Variants in SLC39A11 observed in about 807,000 individuals in gnomAD.
The protein encoded by SLC39A11 is zinc transporter ZIP11.
Under a neutral mutation model 36.1 loss-of-function variants are expected in SLC39A11, and 33 were observed. The ratio of observed to expected loss-of-function variants is 0.91; its 90% CI spans 0.69 to 1.22. The LOEUF (loss-of-function observed/expected upper bound fraction) is 1.22, where lower values mean the gene tolerates loss of function less well. Ranked by LOEUF, SLC39A11 falls within the 50% of genes most tolerant of loss-of-function variation. SLC39A11 has a pLI of 0.00. For missense variants in SLC39A11, 432 were observed against 430.3 expected, an observed-to-expected ratio of 1.00 and a Z score of -0.03; for synonymous variants, 166 against 170.3, an observed-to-expected ratio of 0.97 and a Z score of 0.20.
intron 6 of SLC39A11, among the ~76,000 whole-genome samples, chr17:72,765,648 G>A (rs1049985948): frequency 1.3e-5 from 2 of 152,128 alleles, no homozygotes; most frequent in Non-Finnish European, 2.9e-5. Context: ...GGACAGTGCT[G>A]GGCACTTTCC....
intron 9 of SLC39A11, 133 bp from the exon 10 acceptor site, chr17:72,647,795 G>A (rs1598205221): frequency 4.4e-6 from 3 of 676,206 alleles, no homozygotes; most frequent in African/African-American, 3.6e-5. Flanking sequence ...CATTTACTGG[G>A]GCTTACTATG....
intron 6 of SLC39A11, among the ~76,000 whole-genome samples, chr17:72,740,469 G>T (rs1266596476): frequency 6.6e-6 from 1 of 152,024 alleles, no homozygotes; most frequent in Non-Finnish European, 1.5e-5. Flanking sequence ...TTATAAAGAG[G>T]AGTTGTGTGT....
In SLC39A11 at chr17:72,762,580, G is replaced by C. The variant is rs549165178; in HGVS notation, c.602-25861C>G. 1.1e-3 allele frequency among the ~76,000 whole-genome samples: 169 copies of C among 152,294 alleles called. 2 individuals carry two copies. The highest frequency in any genetic ancestry group is 6.8e-3 in the Middle Eastern group (2 of 294). The stretch of plus-strand genomic sequence containing the variant: ...CCCTTGGGGCAGCTCTGCCTATGGA[G>C]AAGCCATTCTTTTATTCCTTTACTT... On this transcript the variant is annotated intron_variant, in intron 6 of 9. Transcript: ENST00000255559.
chr17:72,730,265 C>T (rs1041142726), intron 7 of SLC39A11, among the ~76,000 whole-genome samples: 7 of 152,326 alleles, frequency 4.6e-5, no homozygotes, highest in African/African-American at 1.7e-4. Context: ...TGCTAGGCGC[C>T]TACAAACGCA....
intron 5 of SLC39A11, among the ~76,000 whole-genome samples, chr17:72,916,277 GAA>G (rs1201233617): frequency 3.9e-5 from 6 of 151,982 alleles, no homozygotes; most frequent in Non-Finnish European, 7.4e-5. Flanking sequence ...TGTCAAGAGG[GAA>G]AAAAGAGACC....
At chr17:72,670,882 G>T (rs1199150122) in intron 7 of SLC39A11, among the ~76,000 whole-genome samples, 1 of 152,166 alleles carries the variant, frequency 6.6e-6, no homozygotes, top group Admixed American at 6.5e-5. Flanking sequence ...TTTTGCTGAG[G>T]AATGGTGTTT....
chr17:73,035,936 A>G (rs2058898711), intron 3 of SLC39A11, among the ~76,000 whole-genome samples: 2 of 151,264 alleles, frequency 1.3e-5, no homozygotes, highest in African/African-American at 4.9e-5. Flanking sequence ...CAGAGGCTAT[A>G]GTCAGAAAGA....
chr17:73,060,833 A>G (rs1199651785), intron 3 of SLC39A11, among the ~76,000 whole-genome samples: 1 of 152,318 alleles, frequency 6.6e-6, no homozygotes, highest in Non-Finnish European at 1.5e-5. Flanking sequence ...AAATGGTTGT[A>G]TTCCACAGAA....
In SLC39A11 at chr17:72,729,440, TATATATA is replaced by T. The variant is rs1567995027; in HGVS notation, c.671+7203_671+7209del. ...ATATATATATATATATATATATATA[TATATATA>T]TATATATATATTTTTTTTTTTTTTT... On this transcript the variant is annotated intron_variant, in intron 7 of 9. Transcript: ENST00000255559. Among the ~76,000 whole-genome samples the T allele has an allele frequency of 9.4e-3, 50 of 5,310 alleles. 3 individuals are homozygous for T. The highest frequency in any genetic ancestry group is 0.039 in the African/African-American group (47 of 1,220). The allele number at this position is 5,310 out of a possible 152,430, so 3.5% of individuals were successfully genotyped here. A position where few individuals can be genotyped will look rare whatever the true frequency, so the allele number is the denominator to read the frequency against.
intron 5 of SLC39A11, among the ~76,000 whole-genome samples, chr17:72,856,210 T>G (rs190337412): frequency 6.6e-6 from 1 of 152,228 alleles, no homozygotes; most frequent in Non-Finnish European, 1.5e-5. Flanking sequence ...GTTCTCATTA[T>G]GCCGCTTCTT....
intron 4 of SLC39A11, among the ~76,000 whole-genome samples, chr17:73,025,274 T>G (rs539015945): frequency 2.0e-5 from 3 of 152,182 alleles, no homozygotes; most frequent in East Asian, 3.9e-4. Flanking sequence ...GTTACCTACT[T>G]GGGCAGCCTC....
At chr17:72,739,745 C>G (rs182674576) in intron 6 of SLC39A11, among the ~76,000 whole-genome samples, 2 of 152,260 alleles carry the variant, frequency 1.3e-5, no homozygotes, top group East Asian at 3.9e-4. Flanking sequence ...GGAGTCAGCA[C>G]CACCAGAGCA....
At position 72,684,168 on chromosome 17, in the gene SLC39A11, G is replaced by A. The variant is rs551988926; in HGVS notation, c.672-34900C>T. ...ACGATGATTATCCGTAGGCTCCCTG[G>A]ACAGCTCATGAGTCAAGAGACTGGG... On this transcript the variant is annotated intron_variant, in intron 7 of 9. Transcript: ENST00000255559. 4.6e-5 allele frequency among the ~76,000 whole-genome samples: 7 copies of A among 152,202 alleles called. No individual in the cohort carries two copies. In the South Asian group the frequency reaches 1.5e-3, roughly 32 times the overall value.
rs866325062 is a variant in SLC39A11, at chr17:72,913,240, C to A, written c.430+34512G>T. On this transcript the variant is annotated intron_variant, in intron 5 of 9. Coordinates refer to ENST00000255559, the MANE Select transcript of SLC39A11 (RefSeq NM_139177.4). The stretch of plus-strand genomic sequence containing the variant: ...TTTTTAAATGGGAAGCCTTGGGCAT[C>A]TTTATAAGCTGAATGAAAGAAGTCG... Among the ~76,000 whole-genome samples, 13 of 151,952 alleles carry A rather than the reference C, an allele frequency of 8.6e-5. No individual in the cohort carries two copies. In the South Asian group the frequency reaches 1.9e-3, roughly 22 times the overall value.
At position 72,931,224 on chromosome 17, in the gene SLC39A11, G is replaced by A. The variant is rs367575941; in HGVS notation, c.430+16528C>T. Among the ~76,000 whole-genome samples the A allele has an allele frequency of 2.2e-4, 33 of 152,290 alleles. No homozygotes were observed. In the South Asian group the frequency reaches 6.6e-3, roughly 31 times the overall value. On this transcript the variant is annotated intron_variant, in intron 5 of 9. Coordinates refer to ENST00000255559, the MANE Select transcript of SLC39A11 (RefSeq NM_139177.4). ...AGTGAAAGAGACCAAGAGAAATGGAGAGAGCAAGAAAAAAGACAAGACGAG... is the reference window on the plus strand; with the variant it reads ...AGTGAAAGAGACCAAGAGAAATGGAAAGAGCAAGAAAAAAGACAAGACGAG...
chr17:72,717,752 G>T (rs1446115040), intron 7 of SLC39A11, among the ~76,000 whole-genome samples: 2 of 152,176 alleles, frequency 1.3e-5, no homozygotes, highest in Admixed American at 6.5e-5. Flanking sequence ...ATACCTTTCT[G>T]GGGTGCATGA....
At chr17:72,965,144 T>C (rs1290547045) in intron 4 of SLC39A11, among the ~76,000 whole-genome samples, 2 of 152,140 alleles carry the variant, frequency 1.3e-5, no homozygotes, top group Non-Finnish European at 2.9e-5. Flanking sequence ...ATATACCTAA[T>C]GTTAAGTGAC....
intron 3 of SLC39A11, among the ~76,000 whole-genome samples, chr17:73,036,953 G>T (rs1280171858): frequency 1.3e-5 from 2 of 152,156 alleles, no homozygotes; most frequent in African/African-American, 2.4e-5. Flanking sequence ...GCCTTTTCCA[G>T]AATGTCCTAT....
chr17:73,085,642 C>CAAAA (rs35729985), intron 2 of SLC39A11, among the ~76,000 whole-genome samples: 7 of 102,004 alleles, frequency 6.9e-5, no homozygotes, highest in Non-Finnish European at 1.1e-4. Context: ...AACTCCGCCT[C>CAAAA]AAAAAAAAAA....
Sources: allele counts gnomAD v4.1 joint callset (sites outside exome capture counted in the v4.1 genomes callset), GRCh38; gene constraint gnomAD v4.1.1; transcripts MANE v1.5; gene names NCBI Gene and HGNC (gene_info 2026-07-23, HGNC 2026-07-21).